ZNG1E: variants seen among roughly 807,000 people sequenced by gnomAD.
ZNG1E encodes the protein zinc-regulated GTPase metalloprotein activator 1E.
chr9:65,677,507 G>A, the ZNG1E span, among the ~76,000 whole-genome samples: 1 of 152,278 alleles, frequency 6.6e-6, no homozygotes, highest in African/African-American at 2.4e-5. Context: ...AACTTAACAT[G>A]TCTGAAACTT....
chr9:65,722,697 A>ATTTTTTTTTTTTTTTTTTTTTT, the ZNG1E span, among the ~76,000 whole-genome samples: 6 of 8,398 alleles, frequency 7.1e-4, 1 homozygote, highest in African/African-American at 9.7e-4. Flanking sequence ...TGCCTAGCTA[A>ATTTTTTTTTTTTTTTTTTTTTT]TTTTTTTTTT....
chr9:65,668,750 T>C, the ZNG1E span: 2 of 122,216 alleles, frequency 1.6e-5, no homozygotes, highest in Admixed American at 9.0e-5. Flanking sequence ...AGGTTGACCT[T>C]GAACTCCTGG....
At chr9:65,663,564 C>T in the ZNG1E span, among the ~76,000 whole-genome samples, 1 of 142,344 alleles carries the variant, frequency 7.0e-6, no homozygotes, top group Admixed American at 7.2e-5. Flanking sequence ...GTGAGCCAAA[C>T]TTATTTAGCC....
chr9:65,684,546 G>GCACACA, the ZNG1E span, among the ~76,000 whole-genome samples: 4,339 of 138,388 alleles, frequency 0.031, 6 homozygotes, highest in Admixed American at 0.049. Context: ...ACACACACAC[G>GCACACA]CACGCACACA....
chr9:65,667,021 A>C, the ZNG1E span, among the ~76,000 whole-genome samples: 1 of 152,212 alleles, frequency 6.6e-6, no homozygotes, highest in Non-Finnish European at 1.5e-5. Flanking sequence ...CGGTTTCACC[A>C]TGTCGGTCAG....
At chr9:65,661,534 A>G in the ZNG1E span, among the ~76,000 whole-genome samples, 1 of 152,248 alleles carries the variant, frequency 6.6e-6, no homozygotes, top group Non-Finnish European at 1.5e-5. Flanking sequence ...TTCAAAGTTT[A>G]TGTTTAGTCT....
the ZNG1E span, chr9:65,719,931 T>C: frequency 2.9e-6 from 4 of 1,393,876 alleles, no homozygotes; most frequent in Non-Finnish European, 3.9e-6. Context: ...AATTACAGAA[T>C]ATTAGAATAG....
chr9:65,663,649 A>G, the ZNG1E span, among the ~76,000 whole-genome samples: 1 of 151,478 alleles, frequency 6.6e-6, no homozygotes, highest in African/African-American at 2.4e-5. Context: ...AATGTCATAA[A>G]TGTTTGTATA....
the ZNG1E span, among the ~76,000 whole-genome samples, chr9:65,714,458 T>C: frequency 1.3e-5 from 2 of 151,252 alleles, no homozygotes; most frequent in South Asian, 4.2e-4. Flanking sequence ...GGAGAGGCGC[T>C]CTGCTTTTTA....
chr9:65,731,157 AT>A, the ZNG1E span, among the ~76,000 whole-genome samples: 867 of 146,878 alleles, frequency 5.9e-3, no homozygotes, highest in South Asian at 0.013. Flanking sequence ...TGGGTAGCTT[AT>A]TTTTTTGACC....
chr9:65,662,100 T>C, the ZNG1E span, among the ~76,000 whole-genome samples: 58 of 152,340 alleles, frequency 3.8e-4, no homozygotes, highest in African/African-American at 1.4e-3. Context: ...CACAGGTGGA[T>C]GTCATGTGCC....
the ZNG1E span, among the ~76,000 whole-genome samples, chr9:65,657,595 G>A: frequency 6.6e-6 from 1 of 152,198 alleles, no homozygotes; most frequent in Non-Finnish European, 1.5e-5. Context: ...TGGGAGGTGG[G>A]TGGTTAATGA....
chr9:65,711,110 T>C, the ZNG1E span, among the ~76,000 whole-genome samples: 1 of 85,832 alleles, frequency 1.2e-5, no homozygotes, highest in Admixed American at 1.3e-4. Context: ...TTATTCTCTT[T>C]GAAGCAATTG....
chr9:65,686,639 T>G, the ZNG1E span, among the ~76,000 whole-genome samples: 1 of 152,146 alleles, frequency 6.6e-6, no homozygotes, highest in South Asian at 2.1e-4. Context: ...CATCTCAAAA[T>G]AAATAAATAA....
chr9:65,668,015 A>T, the ZNG1E span, among the ~76,000 whole-genome samples: 2 of 144,622 alleles, frequency 1.4e-5, no homozygotes, highest in Non-Finnish European at 3.1e-5. Flanking sequence ...AAAAATGATG[A>T]ATGATGTATT....
the ZNG1E span, chr9:65,690,722 T>A: frequency 1.8e-6 from 1 of 571,080 alleles, no homozygotes; most frequent in Non-Finnish European, 3.0e-6. Context: ...TATATGTGGT[T>A]AGAATTGGTC....
chr9:65,717,530 G>A, the ZNG1E span, among the ~76,000 whole-genome samples: 1 of 149,728 alleles, frequency 6.7e-6, no homozygotes, highest in Admixed American at 6.6e-5. Context: ...CTGTTCACTA[G>A]TTAGCCATGA....
the ZNG1E span, among the ~76,000 whole-genome samples, chr9:65,680,764 A>C: frequency 1.3e-5 from 2 of 152,260 alleles, no homozygotes; most frequent in Non-Finnish European, 2.9e-5. Flanking sequence ...TATTGCTAGG[A>C]AAATATGTGA....
chr9:65,728,194 CTGAA>C, the ZNG1E span, among the ~76,000 whole-genome samples: 1 of 152,088 alleles, frequency 6.6e-6, no homozygotes. Context: ...ATTCCTCAAA[CTGAA>C]TGACAATAAT....
Sources: gnomAD v4.1 joint callset for allele counts (sites outside exome capture counted in the v4.1 genomes callset) on GRCh38, gnomAD v4.1.1 for gene constraint, MANE v1.5 for transcripts, NCBI Gene and HGNC (gene_info 2026-07-23, HGNC 2026-07-21) for gene names.